The following PCDHGB6 variants were observed in gnomAD, a reference collection of about 807,000 sequenced individuals.
PCDHGB6 encodes the protein protocadherin gamma-B6.
PCDHGB6 carries 51 observed loss-of-function variants against 59.1 expected under a neutral mutation model. The ratio of observed to expected loss-of-function variants is 0.86; its 90% confidence interval spans 0.69 to 1.09. The LOEUF is 1.09. Ranked by LOEUF, PCDHGB6 falls within the 50% of genes least tolerant of loss-of-function variation. The pLI, the probability that PCDHGB6 is intolerant of heterozygous loss-of-function variation, is 0.00. For synonymous variants in PCDHGB6, 466 were observed against 495.1 expected, an observed-to-expected ratio of 0.94 and a Z score of 0.78; for missense variants, 1,148 against 1,205.1, an observed-to-expected ratio of 0.95 and a Z score of 0.70.
intron 1 of PCDHGB6, among the ~76,000 whole-genome samples, chr5:141,474,263 A>C (rs964712807): frequency 6.6e-6 from 1 of 152,188 alleles, no homozygotes; most frequent in Non-Finnish European, 1.5e-5. Context: ...CTGATAAACC[A>C]GTGTATCTCT....
At chr5:141,496,164 C>T (rs745320704) in intron 2 of PCDHGB6, among the ~76,000 whole-genome samples, 1 of 152,084 alleles carries the variant, frequency 6.6e-6, no homozygotes, top group Non-Finnish European at 1.5e-5. Context: ...CCACCAGACA[C>T]CCTCCCATCC....
At position 141,419,598 on chromosome 5, in the gene PCDHGB6, G is replaced by A. The variant is rs1466867194; in HGVS notation, c.2418+8978G>A. On this transcript the variant is annotated intron_variant, in intron 1 of 3. Transcript: ENST00000520790. ...TCCGCGCTCTTCGACACAGTGCCGC[G>A]GGCCGCGCAGCCAGGCTACCTGGTG... 21 of 1,611,674 alleles carry A rather than the reference G, an allele frequency of 1.3e-5. No individual in the cohort carries two copies. In the South Asian group the frequency reaches 1.3e-4, roughly 10 times the overall value.
intron 1 of PCDHGB6, among the ~76,000 whole-genome samples, chr5:141,481,676 G>A (rs975849679): frequency 3.3e-5 from 5 of 152,028 alleles, no homozygotes; most frequent in Admixed American, 1.3e-4. Flanking sequence ...AAATCAGGCC[G>A]GGCCTGGTGG....
intron 1 of PCDHGB6, among the ~76,000 whole-genome samples, chr5:141,469,207 G>T (rs2099193654): frequency 6.6e-6 from 1 of 151,820 alleles, no homozygotes; most frequent in African/African-American, 2.4e-5. Flanking sequence ...GCCTTTTGAA[G>T]TTGAGGCTTC....
chr5:141,422,494 T>G lies in PCDHGB6; in HGVS notation c.2418+11874T>G, dbSNP rs772798862. On this transcript the variant is annotated intron_variant, in intron 1 of 3. Transcript: ENST00000520790. ...GTTGGTCCAGAGCTACAATATAACG[T>G]TGACAGCCACAGACCAGGGAAGCCC... The G allele has an allele frequency of 3.5e-5, 56 of 1,613,848 alleles. No homozygotes were observed. Among genetic ancestry groups the G allele is most frequent in the Non-Finnish European group, 1.0e-5 (12 of 1,179,896 alleles).
At chr5:141,421,829 T>G in intron 1 of PCDHGB6, 5 of 1,613,784 alleles carry the variant, frequency 3.1e-6, no homozygotes, top group Non-Finnish European at 4.2e-6. Context: ...GAGGGAAGCC[T>G]GGACCGAGAG....
rs561548499 is a variant in PCDHGB6, at chr5:141,414,930, C to T, written c.2418+4310C>T. On this transcript the variant is annotated intron_variant, in intron 1 of 3. Coordinates refer to ENST00000520790, the MANE Select transcript of PCDHGB6 (RefSeq NM_018926.3). ...CAGGCGTGGAGCTGGCGCCCCGCTC[C>T]GCAGAGCCCGGCTACCTGGTGACCA... 1.9e-6 allele frequency: 3 copies of T among 1,614,156 alleles called. No homozygotes were observed. The South Asian group carries it at 3.3e-5, about 18-fold the overall frequency.
intron 1 of PCDHGB6, among the ~76,000 whole-genome samples, chr5:141,439,662 G>A (rs2098125902): frequency 6.6e-6 from 1 of 152,150 alleles, no homozygotes; most frequent in South Asian, 2.1e-4. Flanking sequence ...TAATTTCATG[G>A]AATGCAAATC....
intron 1 of PCDHGB6, among the ~76,000 whole-genome samples, chr5:141,469,162 G>A (rs2099192596): frequency 6.6e-6 from 1 of 152,062 alleles, no homozygotes; most frequent in Admixed American, 6.6e-5. Flanking sequence ...TGTAGTCCCA[G>A]CTACTTGGGA....
At chr5:141,442,053 G>A (rs888378256) in intron 1 of PCDHGB6, 3 of 197,472 alleles carry the variant, frequency 1.5e-5, no homozygotes, top group Non-Finnish European at 3.2e-5. Flanking sequence ...ACTGGTCGCG[G>A]TGCACTGCGG....
In PCDHGB6 at chr5:141,477,794, C is replaced by A. The variant is rs148942362; in HGVS notation, c.2419-17013C>A. On this transcript the variant is annotated intron_variant, in intron 1 of 3. Coordinates refer to ENST00000520790, the MANE Select transcript of PCDHGB6 (RefSeq NM_018926.3). This position sits in a 1 kb window ranked among gnomAD's most constrained non-coding sequence, Gnocchi z 4.9. ...CAGCGTGAACATATTTGTCACTGAT[C>A]GCAATGACAATGCCCCCCAGGTCCT... The A allele has an allele frequency of 5.6e-6, 9 of 1,614,086 alleles. No individual in the cohort carries two copies. Among genetic ancestry groups the A allele is most frequent in the Non-Finnish European group, 7.6e-6 (9 of 1,180,030 alleles).
chr5:141,415,519 A>G, intron 1 of PCDHGB6: 1 of 1,614,182 alleles, frequency 6.2e-7, no homozygotes, highest in Non-Finnish European at 8.5e-7. Context: ...TTATGCGGAC[A>G]CGCTCATCAG....
chr5:141,503,214 T>C (rs994291483), intron 2 of PCDHGB6, among the ~76,000 whole-genome samples: 7 of 152,096 alleles, frequency 4.6e-5, no homozygotes, highest in African/African-American at 1.7e-4. Flanking sequence ...GTGCCCACCA[T>C]GAGCACCGTA....
intron 3 of PCDHGB6, among the ~76,000 whole-genome samples, chr5:141,508,624 G>A (rs552418899): frequency 3.3e-5 from 5 of 152,256 alleles, no homozygotes; most frequent in African/African-American, 9.6e-5. Context: ...TGGGTGGGCC[G>A]AGCTTCTAGC....
In PCDHGB6 at chr5:141,511,116, G is replaced by A. The variant is rs2099883616; in HGVS notation, c.2736G>A (p.Lys912=). Residue 912 remains lysine, a synonymous_variant, in exon 4 of 4, where the codon AAG becomes AAA. Transcript: ENST00000520790. The stretch of plus-strand genomic sequence containing the variant: ...ACGCAGCTGGCAAGCGGGATGGCAA[G>A]GCCCCAGCAGGTGGCAATGGCAACA... ...LTNAAGKRDG[K]APAGGNGNKK... The A allele has an allele frequency of 1.9e-6, 3 of 1,614,234 alleles. No individual in the cohort carries two copies. The highest frequency in any genetic ancestry group is 2.5e-6 in the Non-Finnish European group (3 of 1,180,026).
chr5:141,433,234 C>T (rs773942024), intron 1 of PCDHGB6: 3 of 1,512,746 alleles, frequency 2.0e-6, no homozygotes, highest in Middle Eastern at 1.8e-4. Flanking sequence ...TGCTCTGTCT[C>T]CCAAGCTGGA....
chr5:141,507,601 A>G (rs2099861935), intron 3 of PCDHGB6, among the ~76,000 whole-genome samples: 1 of 152,254 alleles, frequency 6.6e-6, no homozygotes, highest in South Asian at 2.1e-4. Flanking sequence ...TGAGGGAAAT[A>G]AACAGGTATA....
rs1447189643 is a variant in PCDHGB6 at position 141,409,331 on chromosome 5, G to A, written c.1129G>A (p.Gly377Arg). The A allele has an allele frequency of 6.2e-7, 1 of 1,613,818 alleles. No individual in the cohort carries two copies. The highest frequency in any genetic ancestry group is 1.3e-5 in the African/African-American group (1 of 74,908). Residue 377 changes from glycine (G) to arginine (R), a missense_variant, in exon 1 of 4, where the codon GGA (glycine) becomes AGA (arginine). Physicochemically the swap from Gly to Arg is moderately radical, Grantham distance 125. This residue lies in a region of PCDHGB6 where 549 missense variants were observed against 527.5 expected (regional missense o/e 1.04). Transcript: ENST00000520790. ...CTTCAAAACACGGGATCTGGATTTC[G>A]GAGGAAATGGAGAAGTCAGGTGTAA... ...ALFKTRDLDF[G>R]GNGEVRCNIE...
At chr5:141,463,460 T>TA (rs1554144871) in intron 1 of PCDHGB6, among the ~76,000 whole-genome samples, 2 of 136,122 alleles carry the variant, frequency 1.5e-5, no homozygotes, top group Non-Finnish European at 3.1e-5. Context: ...TTTTTTTTTT[T>TA]TTTTTTGAGA....
Sources: gnomAD v4.1 joint callset for allele counts (sites outside exome capture counted in the v4.1 genomes callset) on GRCh38, gnomAD v4.1.1 for gene constraint, gnomAD v4.1.1 regional missense constraint, Gnocchi (gnomAD v3.1) non-coding constraint, MANE v1.5 for transcripts, NCBI Gene and HGNC (gene_info 2026-07-23, HGNC 2026-07-21) for gene names.